The following MYH10 variants were observed in gnomAD, a reference collection of about 807,000 sequenced individuals.
The protein encoded by MYH10 is myosin heavy chain 10.
In MYH10, 55 loss-of-function variants were observed where a neutral mutation model predicts 257.8. The ratio of observed to expected loss-of-function variants is 0.21; its 90% confidence interval spans 0.17 to 0.27. MYH10 has a LOEUF of 0.27. Ranked by LOEUF, MYH10 falls within the 10% of genes least tolerant of loss-of-function variation. The pLI is 1.00. For missense variants in MYH10, 1,631 were observed against 2,500.6 expected, an observed-to-expected ratio of 0.65 and a Z score of 7.42; for synonymous variants, 854 against 921.7, an observed-to-expected ratio of 0.93 and a Z score of 1.33.
At chr17:8,607,434 A>G (rs1464438833) in intron 2 of MYH10, among the ~76,000 whole-genome samples, 1 of 152,234 alleles carries the variant, frequency 6.6e-6, no homozygotes, top group Non-Finnish European at 1.5e-5. Context: ...TCTCACAAAT[A>G]TGAGTTCATC....
chr17:8,502,013 A>G (rs765518167), intron 28 of MYH10, among the ~76,000 whole-genome samples: 7 of 152,244 alleles, frequency 4.6e-5, no homozygotes, highest in Admixed American at 6.5e-5. Flanking sequence ...TCAGGTAAAC[A>G]GCACTCCTGC....
At chr17:8,507,651 A>T (rs1409266865) in intron 26 of MYH10, among the ~76,000 whole-genome samples, 1 of 152,230 alleles carries the variant, frequency 6.6e-6, no homozygotes, top group Non-Finnish European at 1.5e-5. Flanking sequence ...AAAGAACAGT[A>T]TCTTTTACCA....
At chr17:8,586,155 G>C (rs1481533467) in intron 4 of MYH10, among the ~76,000 whole-genome samples, 1 of 152,128 alleles carries the variant, frequency 6.6e-6, no homozygotes, top group Non-Finnish European at 1.5e-5. Flanking sequence ...GCATCAAATA[G>C]ACCAAGAGAA....
intron 41 of MYH10, 111 bp downstream of exon 41, chr17:8,478,227 A>T: frequency 1.1e-6 from 1 of 925,066 alleles, no homozygotes. Context: ...ACGTTAGCTG[A>T]AACATCAGAA....
At chr17:8,539,777 T>G (rs1318137872) in intron 14 of MYH10, among the ~76,000 whole-genome samples, 1 of 151,768 alleles carries the variant, frequency 6.6e-6, no homozygotes, top group Non-Finnish European at 1.5e-5. Context: ...CTTGTAGAGA[T>G]GTAGTCTTAC....
Position 8,490,286 on chromosome 17 carries a change from C to T in MYH10, c.4884+54G>A, listed in dbSNP as rs1256003694. The T allele has an allele frequency of 1.3e-6, 2 of 1,526,192 alleles. No homozygotes were observed. Among genetic ancestry groups the T allele is most frequent in the Admixed American group, 3.3e-5 (2 of 59,864 alleles). 94.5% of individuals were successfully genotyped at this position (1,526,192 alleles called of 1,614,324 possible). On this transcript the variant is annotated intron_variant, in intron 35 of 42. Coordinates refer to ENST00000360416, the MANE Select transcript of MYH10 (RefSeq NM_001256012.3). The surrounding 1 kb of genome is among the most constrained non-coding windows in gnomAD (Gnocchi z 4.1). ...GAATGAACAGGATACTGACCCAGAG[C>T]TGGGCTTTGAGAGCCTGCACCCCTT... is the stretch of plus-strand genomic sequence containing the variant.
chr17:8,571,115 C>A (rs1158776925), intron 6 of MYH10, among the ~76,000 whole-genome samples: 1 of 151,790 alleles, frequency 6.6e-6, no homozygotes, highest in Non-Finnish European at 1.5e-5. Flanking sequence ...CCTCCCTGTA[C>A]AACAAATCTT....
intron 21 of MYH10, among the ~76,000 whole-genome samples, chr17:8,514,102 C>T (rs1433276734): frequency 6.6e-6 from 1 of 152,194 alleles, no homozygotes. Context: ...CCACCTCAGG[C>T]CCCTGGCACC....
chr17:8,545,963 G>A lies in MYH10; in HGVS notation c.1279-363C>T, dbSNP rs1023252757. Reference sequence around the variant, plus strand: ...GGGCCCTTGTGTTGGTCTGGTTCCCGAAGTATGCAGATTTGTCTACTGGAT... The same window carrying A: ...GGGCCCTTGTGTTGGTCTGGTTCCCAAAGTATGCAGATTTGTCTACTGGAT... On this transcript the variant is annotated intron_variant, in intron 12 of 42. Coordinates refer to ENST00000360416, the MANE Select transcript of MYH10 (RefSeq NM_001256012.3). The surrounding 1 kb of genome is among the most constrained non-coding windows in gnomAD (Gnocchi z 4.7). Among the ~76,000 whole-genome samples the A allele has an allele frequency of 3.3e-5, 5 of 152,124 alleles. No individual in the cohort carries two copies. The highest frequency in any genetic ancestry group is 3.9e-4 in the East Asian group (2 of 5,186).
At chr17:8,531,932 T>C (rs1597753942) in intron 16 of MYH10, among the ~76,000 whole-genome samples, 1 of 152,204 alleles carries the variant, frequency 6.6e-6, no homozygotes, top group Admixed American at 6.5e-5. Context: ...TCCTCCACCT[T>C]AGAACCCTCT....
At chr17:8,550,206 C>T (rs915260319) in intron 9 of MYH10, among the ~76,000 whole-genome samples, 7 of 150,382 alleles carry the variant, frequency 4.7e-5, no homozygotes, top group South Asian at 2.1e-4. Flanking sequence ...AAGTGAGGAG[C>T]GTCTCCACCC....
chr17:8,538,684 G>A (rs1305590116), intron 14 of MYH10, among the ~76,000 whole-genome samples: 1 of 152,154 alleles, frequency 6.6e-6, no homozygotes, highest in South Asian at 2.1e-4. Context: ...AAAGGCTGAA[G>A]GAAGAGCCTA....
Position 8,572,261 on chromosome 17 carries a change from T to A in MYH10, c.664-2449A>T, listed in dbSNP as rs12943121. Among the ~76,000 whole-genome samples, 518 of 147,414 alleles carry A rather than the reference T, an allele frequency of 3.5e-3. 6 individuals carry two copies. Among genetic ancestry groups the A allele is most frequent in the African/African-American group, 0.013 (492 of 39,162 alleles). On this transcript the variant is annotated intron_variant, in intron 6 of 42. Transcript: ENST00000360416. Reference sequence around the variant, plus strand: ...GTGTGTGTGTGTGTGTGTGTGTGAGTGAGAGAGAGAGAGAGAGAGAGAGAG... The same window carrying A: ...GTGTGTGTGTGTGTGTGTGTGTGAGAGAGAGAGAGAGAGAGAGAGAGAGAG...
intron 2 of MYH10, among the ~76,000 whole-genome samples, chr17:8,605,459 T>C (rs1341876475): frequency 2.6e-5 from 4 of 152,148 alleles, no homozygotes; most frequent in African/African-American, 9.7e-5. Context: ...TAAAATACTC[T>C]TCTTGGCCAG....
chr17:8,592,959 A>G (rs867862075), intron 3 of MYH10, among the ~76,000 whole-genome samples: 1 of 121,396 alleles, frequency 8.2e-6, no homozygotes, highest in Admixed American at 8.5e-5. Context: ...ATATATATAT[A>G]TATATATATA....
chr17:8,529,754 C>T (rs1172323196), intron 17 of MYH10, among the ~76,000 whole-genome samples: 1 of 152,172 alleles, frequency 6.6e-6, no homozygotes, highest in Non-Finnish European at 1.5e-5. Context: ...ATTTGGATCT[C>T]AGCATTATCA....
At chr17:8,546,063 T>A (rs56362469) in intron 12 of MYH10, among the ~76,000 whole-genome samples, 81,695 of 149,110 alleles carry the variant, frequency 0.55, 22,148 homozygotes, top group Middle Eastern at 0.64. Context: ...TTTAAAAAAA[T>A]TTTTTTTTTT....
intron 14 of MYH10, among the ~76,000 whole-genome samples, chr17:8,539,933 C>A (rs2082246842): frequency 6.6e-6 from 1 of 152,166 alleles, no homozygotes; most frequent in South Asian, 2.1e-4. Flanking sequence ...ACAATATTTA[C>A]ACATAAGGCC....
At chr17:8,509,030 T>C (rs1009481338) in intron 25 of MYH10, among the ~76,000 whole-genome samples, 5 of 152,174 alleles carry the variant, frequency 3.3e-5, no homozygotes, top group African/African-American at 1.2e-4. Flanking sequence ...TCACATTCAC[T>C]CAGCGCTCAC....
Sources: gnomAD v4.1 joint callset for allele counts (sites outside exome capture counted in the v4.1 genomes callset) on GRCh38, gnomAD v4.1.1 for gene constraint, Gnocchi (gnomAD v3.1) non-coding constraint, MANE v1.5 for transcripts, NCBI Gene and HGNC (gene_info 2026-07-23, HGNC 2026-07-21) for gene names.